CAMTA1: variants seen among roughly 807,000 people sequenced by gnomAD.
CAMTA1 encodes the protein calmodulin binding transcription activator 1.
A neutral mutation model predicts 170.9 loss-of-function variants in CAMTA1; 27 were observed. That is an observed-to-expected ratio of 0.16 (90% confidence interval 0.12 to 0.22). The LOEUF (loss-of-function observed/expected upper bound fraction) is 0.22. Ranked by LOEUF, CAMTA1 falls within the 10% of genes least tolerant of loss-of-function variation. The pLI, the probability that CAMTA1 is intolerant of heterozygous loss-of-function variation, is 1.00. For missense variants in CAMTA1, 1,619 were observed against 2,217.2 expected (o/e 0.73, Z 5.42); for synonymous variants, 833 against 891.5 (o/e 0.93, Z 1.17).
chr1:6,865,707 T>C (rs1452454103), intron 3 of CAMTA1, among the ~76,000 whole-genome samples: 2 of 152,350 alleles, frequency 1.3e-5, no homozygotes, highest in East Asian at 3.9e-4. Context: ...TTTTTGTTTA[T>C]TCTCACAGCA....
At chr1:7,066,019 G>T (rs1053860803) in intron 3 of CAMTA1, among the ~76,000 whole-genome samples, 1 of 152,148 alleles carries the variant, frequency 6.6e-6, no homozygotes, top group Non-Finnish European at 1.5e-5. Flanking sequence ...GCTTACACCA[G>T]AACTGACTGG....
chr1:7,250,564 C>A (rs1207938179), intron 5 of CAMTA1, among the ~76,000 whole-genome samples: 13 of 152,152 alleles, frequency 8.5e-5, no homozygotes, highest in Admixed American at 8.5e-4. Context: ...ATAGCTGGGA[C>A]CATAAACCCA....
chr1:7,281,652 C>T (rs1671521981), intron 5 of CAMTA1, among the ~76,000 whole-genome samples: 1 of 152,162 alleles, frequency 6.6e-6, no homozygotes, highest in South Asian at 2.1e-4. Context: ...GCATAAAAAG[C>T]ATCTAATGAA....
At chr1:7,287,300 A>G (rs1175562113) in intron 5 of CAMTA1, among the ~76,000 whole-genome samples, 5 of 152,184 alleles carry the variant, frequency 3.3e-5, no homozygotes, top group Admixed American at 3.3e-4. Flanking sequence ...GAATATGGCC[A>G]TCATTGTGAA....
At chr1:7,567,948 AT>A (rs1278538309) in intron 6 of CAMTA1, among the ~76,000 whole-genome samples, 120 of 152,326 alleles carry the variant, frequency 7.9e-4, no homozygotes, top group African/African-American at 2.8e-3. Context: ...AGTGAGGATA[AT>A]ACTATCACCT....
intron 1 of CAMTA1, among the ~76,000 whole-genome samples, chr1:6,819,234 A>G (rs1011632743): frequency 1.3e-5 from 2 of 152,218 alleles, no homozygotes; most frequent in Non-Finnish European, 2.9e-5. Context: ...ATTTTATTTA[A>G]TACTGCAGCC....
At chr1:7,047,193 G>T (rs996715119) in intron 3 of CAMTA1, among the ~76,000 whole-genome samples, 1 of 152,228 alleles carries the variant, frequency 6.6e-6, no homozygotes, top group African/African-American at 2.4e-5. Flanking sequence ...GGGATGTGTG[G>T]TGTGAACAAG....
chr1:7,711,112 C>G (rs945483802), intron 11 of CAMTA1, among the ~76,000 whole-genome samples: 1 of 152,150 alleles, frequency 6.6e-6, no homozygotes, highest in Non-Finnish European at 1.5e-5. Context: ...GGCTGAAAGT[C>G]CAAGATCAGT....
chr1:7,033,723 A>G (rs1703136260), intron 3 of CAMTA1, among the ~76,000 whole-genome samples: 1 of 149,772 alleles, frequency 6.7e-6, no homozygotes, highest in African/African-American at 2.5e-5. Context: ...CCTCCTGAGT[A>G]GCTGGGATCA....
intron 3 of CAMTA1, among the ~76,000 whole-genome samples, chr1:6,834,784 T>C (rs1652195162): frequency 6.6e-6 from 1 of 152,118 alleles, no homozygotes; most frequent in Non-Finnish European, 1.5e-5. Flanking sequence ...TCTATAGGCG[T>C]GTGCCACGCC....
intron 3 of CAMTA1, among the ~76,000 whole-genome samples, chr1:7,040,723 C>T (rs1572628025): frequency 7.1e-6 from 1 of 141,668 alleles, no homozygotes; most frequent in Non-Finnish European, 1.5e-5. Flanking sequence ...GGATCTCCCT[C>T]TTTTTTTTTT....
Position 7,642,402 on chromosome 1 carries a change from G to A in CAMTA1, c.664+1849G>A, listed in dbSNP as rs550596529. Among the ~76,000 whole-genome samples the A allele has an allele frequency of 3.7e-4, 56 of 152,256 alleles. No homozygotes were observed. The highest frequency in any genetic ancestry group is 1.3e-3 in the African/African-American group (54 of 41,554). ...CTGCAGTGTCCTGGCTCTGGGAGCC[G>A]GGGCTGCTGAGTGGCACTTTCCCAA... On this transcript the variant is annotated intron_variant, in intron 7 of 22. Coordinates refer to ENST00000303635, the MANE Select transcript of CAMTA1 (RefSeq NM_015215.4). This position sits in a 1 kb window ranked among gnomAD's most constrained non-coding sequence, Gnocchi z 6.3.
chr1:7,342,577 G>C (rs946300385), intron 5 of CAMTA1, among the ~76,000 whole-genome samples: 2 of 152,328 alleles, frequency 1.3e-5, no homozygotes, highest in South Asian at 2.1e-4. Context: ...CCCTTGAAGA[G>C]TGGTCCCCAC....
At chr1:6,911,760 C>T (rs886837396) in intron 3 of CAMTA1, among the ~76,000 whole-genome samples, 20 of 152,222 alleles carry the variant, frequency 1.3e-4, no homozygotes, top group African/African-American at 4.6e-4. Flanking sequence ...TCTCTGGTCT[C>T]TTGTGGAACC....
At position 7,249,550 on chromosome 1, in the gene CAMTA1, G is replaced by A; in HGVS notation, c.362G>A (p.Gly121Glu). The change falls in exon 5 of 23, where the codon GGG (glycine) becomes GAG (glutamate). Residue 121 changes from glycine (G) to glutamate (E), a missense_variant. Coordinates refer to ENST00000303635, the MANE Select transcript of CAMTA1 (RefSeq NM_015215.4). This position sits in a 1 kb window ranked among gnomAD's most constrained non-coding sequence, Gnocchi z 4.4. ...AAGAAAGTGAAATACAGGAAAGATG[G>A]GTATTGCTGGAAAAAGAGGAAAGAT... ...NRKKVKYRKD[G>E]YCWKKRKDGK... The A allele has an allele frequency of 6.2e-7, 1 of 1,614,044 alleles. No individual in the cohort carries two copies. Among genetic ancestry groups the A allele is most frequent in the Non-Finnish European group, 8.5e-7 (1 of 1,179,956 alleles).
intron 6 of CAMTA1, among the ~76,000 whole-genome samples, chr1:7,505,458 CCCTCTCCACGGCCCCA>C (rs2094089148): frequency 6.6e-6 from 1 of 152,208 alleles, no homozygotes; most frequent in Non-Finnish European, 1.5e-5. Context: ...CTCCAGCCCA[CCCTCTCCACGGCCCCA>C]GAGCTGCCTG....
At chr1:7,022,234 C>T (rs1046351791) in intron 3 of CAMTA1, among the ~76,000 whole-genome samples, 2 of 152,182 alleles carry the variant, frequency 1.3e-5, no homozygotes, top group African/African-American at 4.8e-5. Context: ...CCCTTCCTTT[C>T]CTCCCTCAGC....
chr1:6,982,480 A>G (rs1189236665), intron 3 of CAMTA1, among the ~76,000 whole-genome samples: 1 of 152,182 alleles, frequency 6.6e-6, no homozygotes, highest in East Asian at 1.9e-4. Context: ...AGGAGGGGCC[A>G]GAGTGGGGGC....
In CAMTA1 at chr1:7,155,896, T is replaced by G. The variant is rs76777838; in HGVS notation, c.302+64525T>G. 3.8e-3 allele frequency among the ~76,000 whole-genome samples: 576 copies of G among 152,250 alleles called. 3 individuals are homozygous for G. The highest frequency in any genetic ancestry group is 0.013 in the African/African-American group (557 of 41,554). On this transcript the variant is annotated intron_variant, in intron 4 of 22. Transcript: ENST00000303635. ...GCTGATTTCTAATGCATTTCTTCAT[T>G]CATTCAGTTCCACATTTATGGGGCA...
Sources: allele counts gnomAD v4.1 joint callset (sites outside exome capture counted in the v4.1 genomes callset), GRCh38; gene constraint gnomAD v4.1.1; non-coding constraint Gnocchi (gnomAD v3.1); transcripts MANE v1.5; gene names NCBI Gene and HGNC (gene_info 2026-07-23, HGNC 2026-07-21).